Variants in ANKRD22 observed in about 807,000 individuals in gnomAD.
ANKRD22 encodes the protein ankyrin repeat domain-containing protein 22.
ANKRD22 carries 24 observed loss-of-function variants against 25.7 expected under a neutral mutation model. The observed-to-expected ratio is 0.93, with a 90% CI of 0.68 to 1.31. The LOEUF is 1.31. ANKRD22 is among the 50% of genes most tolerant of loss of function. ANKRD22 has a pLI of 0.00. For synonymous variants in ANKRD22, 84 were observed against 84.3 expected (o/e 1.00, Z 0.02); for missense variants, 214 against 227.1 (o/e 0.94, Z 0.37).
chr10:88,849,138 T>C (rs1206991788), intron 1 of ANKRD22, among the ~76,000 whole-genome samples: 1 of 152,126 alleles, frequency 6.6e-6, no homozygotes, highest in Admixed American at 6.6e-5. Flanking sequence ...GGGGCCTGTG[T>C]CTGCAACTGA....
chr10:88,847,865 C>T (rs1844066179), intron 1 of ANKRD22, among the ~76,000 whole-genome samples: 1 of 151,980 alleles, frequency 6.6e-6, no homozygotes, highest in Admixed American at 6.6e-5. Flanking sequence ...TAGGCTCATT[C>T]ATCCTGCACA....
intron 1 of ANKRD22, among the ~76,000 whole-genome samples, chr10:88,843,236 T>G (rs1844019060): frequency 6.6e-6 from 1 of 152,184 alleles, no homozygotes; most frequent in Non-Finnish European, 1.5e-5. Context: ...TCTTGAATAT[T>G]CTGTGGCGGA....
intron 1 of ANKRD22, among the ~76,000 whole-genome samples, chr10:88,841,884 G>T (rs1254725021): frequency 6.6e-6 from 1 of 152,018 alleles, no homozygotes; most frequent in Non-Finnish European, 1.5e-5. Flanking sequence ...CCTTCTCCTT[G>T]CATTCCCTCC....
chr10:88,838,300 G>A (rs1843973273), intron 1 of ANKRD22, among the ~76,000 whole-genome samples: 1 of 152,100 alleles, frequency 6.6e-6, no homozygotes, highest in Non-Finnish European at 1.5e-5. Context: ...GCAAGAGCAA[G>A]GATTAGGAAA....
intron 1 of ANKRD22, among the ~76,000 whole-genome samples, chr10:88,847,889 A>G (rs185101758): frequency 4.9e-4 from 74 of 152,050 alleles, no homozygotes; most frequent in African/African-American, 1.7e-3. Flanking sequence ...GCCATTTTTT[A>G]CCCTTTGTGG....
chr10:88,842,429 A>G (rs1844010991), intron 1 of ANKRD22, among the ~76,000 whole-genome samples: 1 of 151,992 alleles, frequency 6.6e-6, no homozygotes, highest in Non-Finnish European at 1.5e-5. Flanking sequence ...CTCCTATGCA[A>G]CTCCATGCAC....
At chr10:88,842,709 A>G (rs1342203046) in intron 1 of ANKRD22, among the ~76,000 whole-genome samples, 1 of 152,172 alleles carries the variant, frequency 6.6e-6, no homozygotes, top group Non-Finnish European at 1.5e-5. Context: ...AAATTCAGTT[A>G]AAGAATTTGG....
chr10:88,831,756 A>G (rs1843905160), intron 2 of ANKRD22, 79 bp downstream of exon 2: 2 of 1,386,166 alleles, frequency 1.4e-6, no homozygotes, highest in Admixed American at 2.6e-5. Flanking sequence ...TTAAAAAATG[A>G]CATGCACCAC....
At position 88,820,270 on chromosome 10, in the gene ANKRD22, C is replaced by T. The variant is rs1267937220; in HGVS notation, c.*2671G>A. On this transcript the variant is annotated 3_prime_UTR_variant, in exon 6 of 6. Transcript: ENST00000371930. ...GGTACAGAGTCAGAGATATGACGGT[C>T]CCTACAGCAATGTGGACAGGAGGTC... is the stretch of plus-strand genomic sequence containing the variant. 5.8e-6 allele frequency: 9 copies of T among 1,551,814 alleles called. No individual in the cohort carries two copies. In the Admixed American group the frequency reaches 1.8e-4, roughly 30 times the overall value.
At chr10:88,845,866 T>C (rs917889977) in intron 1 of ANKRD22, among the ~76,000 whole-genome samples, 1 of 152,132 alleles carries the variant, frequency 6.6e-6, no homozygotes, top group South Asian at 2.1e-4. Context: ...TTTACCCGCT[T>C]TCCATTGTGT....
intron 1 of ANKRD22, among the ~76,000 whole-genome samples, chr10:88,832,457 C>A (rs1345985333): frequency 6.6e-6 from 1 of 151,836 alleles, no homozygotes; most frequent in African/African-American, 2.4e-5. Context: ...ATACCTTTAT[C>A]TTTATCTTTA....
At chr10:88,832,281 A>G (rs1388577962) in intron 1 of ANKRD22, among the ~76,000 whole-genome samples, 1 of 152,208 alleles carries the variant, frequency 6.6e-6, no homozygotes, top group Non-Finnish European at 1.5e-5. Flanking sequence ...ATGAATAAAT[A>G]AATGAAATAC....
chr10:88,849,271 T>C (rs1844081804), intron 1 of ANKRD22, among the ~76,000 whole-genome samples: 1 of 152,144 alleles, frequency 6.6e-6, no homozygotes, highest in African/African-American at 2.4e-5. Context: ...AACAGTTCTC[T>C]GTTGCAAGGT....
intron 4 of ANKRD22, among the ~76,000 whole-genome samples, chr10:88,825,011 TCA>T (rs71022545): frequency 2.4e-4 from 27 of 111,496 alleles, no homozygotes; most frequent in South Asian, 1.0e-3. Context: ...TCTCTCTCTC[TCA>T]CACACACACA....
chr10:88,835,776 A>G (rs557217237), intron 1 of ANKRD22, among the ~76,000 whole-genome samples: 56 of 152,308 alleles, frequency 3.7e-4, no homozygotes, highest in Middle Eastern at 3.4e-3. Flanking sequence ...TGAAGACTCC[A>G]TGCTGTTATG....
Position 88,826,128 on chromosome 10 carries a change from G to A in ANKRD22, c.322-13C>T. ...TTGTCTTTGATACCTATTACAAATG[G>A]TAATTATAAGAAAGGCTTATTTACA... On this transcript the variant is annotated splice_polypyrimidine_tract_variant and intron_variant, in intron 3 of 5. Coordinates refer to ENST00000371930, the MANE Select transcript of ANKRD22 (RefSeq NM_144590.3). The A allele has an allele frequency of 1.9e-6, 3 of 1,587,704 alleles. No homozygotes were observed. Among genetic ancestry groups the A allele is most frequent in the Non-Finnish European group, 8.6e-7 (1 of 1,161,284 alleles).
intron 3 of ANKRD22, among the ~76,000 whole-genome samples, chr10:88,826,450 T>C (rs1843857103): frequency 6.6e-6 from 1 of 152,160 alleles, no homozygotes; most frequent in African/African-American, 2.4e-5. Flanking sequence ...TACTTCCCAT[T>C]GCTCTGAGGA....
intron 1 of ANKRD22, among the ~76,000 whole-genome samples, chr10:88,843,646 A>G (rs1395568741): frequency 6.6e-6 from 1 of 152,190 alleles, no homozygotes; most frequent in Non-Finnish European, 1.5e-5. Flanking sequence ...ATAAAGTCCA[A>G]TTAAAATAAA....
intron 1 of ANKRD22, among the ~76,000 whole-genome samples, chr10:88,842,735 T>G (rs1203672879): frequency 2.0e-5 from 3 of 152,154 alleles, no homozygotes; most frequent in Admixed American, 2.0e-4. Context: ...AGGACTAGCA[T>G]GTAAGTGAAC....
Sources: allele counts gnomAD v4.1 joint callset (sites outside exome capture counted in the v4.1 genomes callset), GRCh38; gene constraint gnomAD v4.1.1; transcripts MANE v1.5; gene names NCBI Gene and HGNC (gene_info 2026-07-23, HGNC 2026-07-21).